Variants in ABAT observed in about 807,000 individuals in gnomAD.
ABAT encodes the protein 4-aminobutyrate aminotransferase.
Under a neutral mutation model 64.6 loss-of-function variants are expected in ABAT, and 45 were observed. That is an observed-to-expected ratio of 0.70 (90% confidence interval 0.55 to 0.89). The LOEUF (loss-of-function observed/expected upper bound fraction) is 0.89. Ranked by LOEUF, ABAT falls within the 40% of genes least tolerant of loss-of-function variation. ABAT has a pLI of 0.00. For synonymous variants in ABAT, 297 were observed against 250.5 expected, an observed-to-expected ratio of 1.19 and a Z score of -1.75; for missense variants, 633 against 658.4, an observed-to-expected ratio of 0.96 and a Z score of 0.42.
At chr16:8,780,276 T>C (rs770412570) in intron 15 of ABAT, 5 of 165,426 alleles carry the variant, frequency 3.0e-5, no homozygotes, top group Non-Finnish European at 6.6e-5. Context: ...GACTTCATCC[T>C]AGGAGCTGTG....
chr16:8,781,246 C>T lies in ABAT; in HGVS notation c.1382-63C>T, dbSNP rs575397868. The T allele has an allele frequency of 1.3e-5, 21 of 1,612,202 alleles. No homozygotes were observed. In the African/African-American group the frequency reaches 2.4e-4, roughly 18 times the overall value. The stretch of plus-strand genomic sequence containing the variant: ...GTTGCCAACAGGCATCACTTTCCCC[C>T]CAGCTCTCCCAGCATGTGACTTTGA... On this transcript the variant is annotated intron_variant, in intron 15 of 15. Transcript: ENST00000268251. This position sits in a 1 kb window ranked among gnomAD's most constrained non-coding sequence, Gnocchi z 4.5.
chr16:8,712,294 T>C (rs1388294512), intron 1 of ABAT, among the ~76,000 whole-genome samples: 1 of 152,208 alleles, frequency 6.6e-6, no homozygotes. Context: ...CTTACTTTTA[T>C]GCAGGTTGAA....
chr16:8,771,684 G>C (rs750471119), intron 11 of ABAT, among the ~76,000 whole-genome samples: 1 of 152,028 alleles, frequency 6.6e-6, no homozygotes, highest in Non-Finnish European at 1.5e-5. Flanking sequence ...AGCCAGGCTG[G>C]TCTGGAACTC....
chr16:8,711,124 G>C (rs759075165), intron 1 of ABAT, among the ~76,000 whole-genome samples: 3 of 152,124 alleles, frequency 2.0e-5, no homozygotes, highest in Non-Finnish European at 4.4e-5. Flanking sequence ...AATGGTTTGC[G>C]CATTTACAAT....
intron 1 of ABAT, among the ~76,000 whole-genome samples, chr16:8,725,167 C>T (rs1425423731): frequency 2.6e-5 from 4 of 152,206 alleles, no homozygotes; most frequent in Non-Finnish European, 5.9e-5. Flanking sequence ...CTACCCGTCT[C>T]GGCCTCCCAA....
chr16:8,743,007 T>TAAAA (rs71152928), intron 2 of ABAT, among the ~76,000 whole-genome samples: 11,089 of 124,088 alleles, frequency 0.089, 937 homozygotes, highest in East Asian at 0.18. Context: ...CTCATTTCTT[T>TAAAA]AAAAAAAAAA....
At chr16:8,685,558 C>G (rs1488708107) in intron 1 of ABAT, among the ~76,000 whole-genome samples, 3 of 150,888 alleles carry the variant, frequency 2.0e-5, no homozygotes, top group Non-Finnish European at 1.5e-5. Context: ...CGCCTGTAGT[C>G]CCAACTACTT....
chr16:8,729,143 C>G, intron 1 of ABAT, among the ~76,000 whole-genome samples: 1 of 65,334 alleles, frequency 1.5e-5, no homozygotes, highest in Non-Finnish European at 3.3e-5. Flanking sequence ...CCTGGCTCTA[C>G]TGAAAAAAAA....
In ABAT at chr16:8,781,858, C is replaced by T; in HGVS notation, c.*428C>T. ...TATTCTGTGATCACGGATGTTGGCT[C>T]CCCCTCGCCCTATGCAAGCAAACAC... is the stretch of plus-strand genomic sequence containing the variant. On this transcript the variant is annotated 3_prime_UTR_variant, in exon 16 of 16. Coordinates refer to ENST00000268251, the MANE Select transcript of ABAT (RefSeq NM_020686.6). The surrounding 1 kb of genome is among the most constrained non-coding windows in gnomAD (Gnocchi z 4.5). 3.0e-6 allele frequency: 1 copy of T among 338,884 alleles called. No individual in the cohort carries two copies. The highest frequency in any genetic ancestry group is 5.7e-6 in the Non-Finnish European group (1 of 174,230). 21.0% of individuals were successfully genotyped at this position (338,884 alleles called of 1,614,324 possible). A position where few individuals can be genotyped will look rare whatever the true frequency, so the allele number is the denominator to read the frequency against.
intron 1 of ABAT, among the ~76,000 whole-genome samples, chr16:8,720,429 C>T (rs1201280925): frequency 1.3e-5 from 2 of 152,212 alleles, no homozygotes; most frequent in Non-Finnish European, 2.9e-5. Context: ...TTTCTGTCTC[C>T]CTATACAAGT....
rs1204694982 is a variant in ABAT at position 8,776,907 on chromosome 16, A to G, written c.1269+417A>G. 6.7e-6 allele frequency among the ~76,000 whole-genome samples: 1 copy of G among 149,758 alleles called. No individual in the cohort carries two copies. The highest frequency in any genetic ancestry group is 2.0e-4 in the East Asian group (1 of 5,050). ...TTATTTTATTTTATTTTATTTGTCT[A>G]TTTATTTTTTGAGACCAAGTCTTGC... On this transcript the variant is annotated intron_variant, in intron 14 of 15. Transcript: ENST00000268251. This position sits in a 1 kb window ranked among gnomAD's most constrained non-coding sequence, Gnocchi z 4.4.
At chr16:8,694,174 C>T (rs925542062) in intron 1 of ABAT, among the ~76,000 whole-genome samples, 8 of 149,582 alleles carry the variant, frequency 5.3e-5, no homozygotes, top group East Asian at 2.0e-4. Context: ...GGACTACAGG[C>T]GCCCGCCACA....
chr16:8,756,726 G>A lies in ABAT; in HGVS notation c.317-1031G>A, dbSNP rs565495264. 5.9e-4 allele frequency among the ~76,000 whole-genome samples: 90 copies of A among 152,260 alleles called. 1 individual carries two copies. Among genetic ancestry groups the A allele is most frequent in the African/African-American group, 1.9e-3 (77 of 41,542 alleles). Reference sequence around the variant, plus strand: ...TCTCACCCTTTTCTACAGCTGATTCGTTACATTAGAAGGCTTATTTCCCTG... The same window carrying A: ...TCTCACCCTTTTCTACAGCTGATTCATTACATTAGAAGGCTTATTTCCCTG... On this transcript the variant is annotated intron_variant, in intron 5 of 15. Transcript: ENST00000268251.
At chr16:8,750,744 C>T (rs77519248) in intron 5 of ABAT, among the ~76,000 whole-genome samples, 6,330 of 152,206 alleles carry the variant, frequency 0.042, 190 homozygotes, top group Middle Eastern at 0.15. Flanking sequence ...TACTCCTTCC[C>T]CAAATTCCAC....
At chr16:8,686,621 G>A (rs2057462324) in intron 1 of ABAT, among the ~76,000 whole-genome samples, 1 of 152,158 alleles carries the variant, frequency 6.6e-6, no homozygotes, top group Non-Finnish European at 1.5e-5. Context: ...ACTCAGAAAG[G>A]ATGACTGACT....
Position 8,783,879 on chromosome 16 carries a change from TC to T in ABAT, c.*2451del, listed in dbSNP as rs2060492402. The stretch of plus-strand genomic sequence containing the variant: ...GGAAAATTCCAGAGCTATTATTTAC[TC>T]CTTACCAAGGGAAGTTACTTCTTGT... On this transcript the variant is annotated 3_prime_UTR_variant, in exon 16 of 16. Transcript: ENST00000268251. 6.6e-6 allele frequency: 1 copy of T among 152,218 alleles called. No homozygotes were observed. The highest frequency in any genetic ancestry group is 2.4e-5 in the African/African-American group (1 of 41,456). The allele number at this position is 152,218 out of a possible 1,614,324, so 9.4% of individuals were successfully genotyped here.
At chr16:8,737,887 C>T (rs1400673174) in intron 2 of ABAT, among the ~76,000 whole-genome samples, 3 of 131,190 alleles carry the variant, frequency 2.3e-5, no homozygotes, top group Non-Finnish European at 3.1e-5. Flanking sequence ...GAGATTGAGC[C>T]ACTGTACTTC....
intron 12 of ABAT, among the ~76,000 whole-genome samples, chr16:8,774,242 A>G (rs911919312): frequency 2.0e-5 from 3 of 152,084 alleles, no homozygotes; most frequent in African/African-American, 7.2e-5. Context: ...GAGTGTGTAT[A>G]TGTACCATAT....
intron 1 of ABAT, among the ~76,000 whole-genome samples, chr16:8,711,317 G>T (rs1373282930): frequency 6.6e-6 from 1 of 152,028 alleles, no homozygotes; most frequent in Non-Finnish European, 1.5e-5. Flanking sequence ...GGAGGTGGGG[G>T]CAACTGTCCA....
Sources: gnomAD v4.1 joint callset for allele counts (sites outside exome capture counted in the v4.1 genomes callset) on GRCh38, gnomAD v4.1.1 for gene constraint, Gnocchi (gnomAD v3.1) non-coding constraint, MANE v1.5 for transcripts, NCBI Gene and HGNC (gene_info 2026-07-23, HGNC 2026-07-21) for gene names.